Variants in ST6GALNAC5 observed in about 807,000 individuals in gnomAD.
ST6GALNAC5 encodes ST6 N-acetylgalactosaminide alpha-2,6-sialyltransferase 5.
ST6GALNAC5 carries 27 observed loss-of-function variants against 33.6 expected under a neutral mutation model. The observed-to-expected ratio is 0.80, with a 90% CI of 0.59 to 1.11. ST6GALNAC5 has a LOEUF of 1.11. Among genes scored for constraint, ST6GALNAC5 ranks in the 50% least tolerant of loss-of-function variants. The pLI is 0.00. For synonymous variants in ST6GALNAC5, 194 were observed against 171.2 expected (o/e 1.13, Z -1.04); for missense variants, 428 against 454.0 (o/e 0.94, Z 0.52).
intron 2 of ST6GALNAC5, among the ~76,000 whole-genome samples, chr1:77,007,713 ATT>A (rs1650477212): frequency 6.6e-6 from 1 of 152,256 alleles, no homozygotes; most frequent in Admixed American, 6.5e-5. Context: ...GTGGGAGGAT[ATT>A]AGGATTGACT....
chr1:76,991,611 A>G (rs528206375), intron 2 of ST6GALNAC5, among the ~76,000 whole-genome samples: 8 of 152,172 alleles, frequency 5.3e-5, no homozygotes, highest in Admixed American at 2.6e-4. Flanking sequence ...ACTCCTTCTC[A>G]TAGACAGGTA....
intron 2 of ST6GALNAC5, among the ~76,000 whole-genome samples, chr1:77,013,899 A>T (rs942826591): frequency 2.0e-5 from 3 of 152,220 alleles, no homozygotes. Context: ...ATGGGAAATG[A>T]TGCACAGTTT....
At chr1:76,968,241 A>T (rs979530533) in intron 2 of ST6GALNAC5, among the ~76,000 whole-genome samples, 1 of 152,082 alleles carries the variant, frequency 6.6e-6, no homozygotes, top group African/African-American at 2.4e-5. Context: ...GTCTCTAAGG[A>T]CTTGCTTTAT....
intron 2 of ST6GALNAC5, among the ~76,000 whole-genome samples, chr1:76,979,688 A>G (rs1206074192): frequency 4.6e-5 from 7 of 152,230 alleles, no homozygotes; most frequent in Admixed American, 2.6e-4. Context: ...GCATTTTGGG[A>G]GGCCAAGGCG....
intron 2 of ST6GALNAC5, among the ~76,000 whole-genome samples, chr1:76,887,943 C>T (rs1243352357): frequency 6.6e-6 from 1 of 152,240 alleles, no homozygotes; most frequent in South Asian, 2.1e-4. Context: ...TCCCACCATA[C>T]ACACTGTGAA....
chr1:77,008,622 T>G (rs1810510), intron 2 of ST6GALNAC5, among the ~76,000 whole-genome samples: 2 of 151,904 alleles, frequency 1.3e-5, no homozygotes, highest in Admixed American at 1.3e-4. Context: ...CTCTGCCTCC[T>G]GGGTTCAAGC....
At chr1:76,872,282 C>T (rs142378093) in intron 2 of ST6GALNAC5, among the ~76,000 whole-genome samples, 339 of 152,184 alleles carry the variant, frequency 2.2e-3, no homozygotes, top group African/African-American at 7.9e-3. Context: ...GAGCTAATTC[C>T]CATTTCTAGA....
chr1:76,916,377 T>C (rs1302879424), intron 2 of ST6GALNAC5, among the ~76,000 whole-genome samples: 1 of 152,152 alleles, frequency 6.6e-6, no homozygotes, highest in Non-Finnish European at 1.5e-5. Context: ...TAATTCTCTT[T>C]AAAGGAAGGA....
At chr1:77,040,372 C>A (rs138599276) in intron 2 of ST6GALNAC5, among the ~76,000 whole-genome samples, 3 of 152,168 alleles carry the variant, frequency 2.0e-5, no homozygotes, top group Admixed American at 2.0e-4. Context: ...ACTCAAAGAA[C>A]GAGTGTTAGT....
At position 76,882,375 on chromosome 1, in the gene ST6GALNAC5, G is replaced by A. The variant is rs565431765; in HGVS notation, c.261+13633G>A. Among the ~76,000 whole-genome samples, 6 of 152,148 alleles carry A rather than the reference G, an allele frequency of 3.9e-5. No individual in the cohort carries two copies. The South Asian group carries it at 1.2e-3, about 32-fold the overall frequency. On this transcript the variant is annotated intron_variant, in intron 2 of 4. Coordinates refer to ENST00000477717, the MANE Select transcript of ST6GALNAC5 (RefSeq NM_030965.3). The stretch of plus-strand genomic sequence containing the variant: ...CACAGTGGAGAAGAAAACATCATCA[G>A]GAGACTTAGTTAACCAAGTGTTTGA...
At chr1:76,875,437 CT>C (rs1431933367) in intron 2 of ST6GALNAC5, among the ~76,000 whole-genome samples, 3 of 152,188 alleles carry the variant, frequency 2.0e-5, no homozygotes, top group Non-Finnish European at 4.4e-5. Flanking sequence ...GAGTAGTGGA[CT>C]GATTTCATCT....
intron 2 of ST6GALNAC5, among the ~76,000 whole-genome samples, chr1:77,033,786 G>A (rs964158871): frequency 6.6e-6 from 1 of 152,198 alleles, no homozygotes; most frequent in African/African-American, 2.4e-5. Context: ...AGGGAAATCA[G>A]CCAGGCCGGA....
At chr1:76,991,715 C>A (rs1649736028) in intron 2 of ST6GALNAC5, among the ~76,000 whole-genome samples, 1 of 152,098 alleles carries the variant, frequency 6.6e-6, no homozygotes, top group Non-Finnish European at 1.5e-5. Flanking sequence ...AATTCTCAGC[C>A]CACAGAACAT....
chr1:77,025,607 C>T (rs1372475009), intron 2 of ST6GALNAC5, among the ~76,000 whole-genome samples: 1 of 152,032 alleles, frequency 6.6e-6, no homozygotes, highest in Non-Finnish European at 1.5e-5. Context: ...CATCTGTAGC[C>T]ACATGGGATC....
intron 2 of ST6GALNAC5, among the ~76,000 whole-genome samples, chr1:76,911,540 C>T (rs1163672656): frequency 6.6e-6 from 1 of 152,074 alleles, no homozygotes; most frequent in Non-Finnish European, 1.5e-5. Flanking sequence ...CCTTGTACCT[C>T]TGGTAGAATT....
At chr1:76,978,962 A>G (rs570207826) in intron 2 of ST6GALNAC5, among the ~76,000 whole-genome samples, 8 of 152,348 alleles carry the variant, frequency 5.3e-5, no homozygotes, top group African/African-American at 1.9e-4. Flanking sequence ...AAAAATTAGT[A>G]GTATTTCTAT....
At chr1:77,026,812 TG>T (rs1651256331) in intron 2 of ST6GALNAC5, among the ~76,000 whole-genome samples, 1 of 152,014 alleles carries the variant, frequency 6.6e-6, no homozygotes, top group Non-Finnish European at 1.5e-5. Flanking sequence ...AATGAATGAA[TG>T]AATGAATGAA....
intron 2 of ST6GALNAC5, among the ~76,000 whole-genome samples, chr1:76,874,986 A>C (rs2100914477): frequency 6.6e-6 from 1 of 152,360 alleles, no homozygotes; most frequent in East Asian, 1.9e-4. Context: ...TATTACAAAA[A>C]GTTATCAATA....
At chr1:76,890,789 G>A (rs1320510364) in intron 2 of ST6GALNAC5, among the ~76,000 whole-genome samples, 1 of 151,922 alleles carries the variant, frequency 6.6e-6, no homozygotes, top group Non-Finnish European at 1.5e-5. Context: ...ACTAGAGATA[G>A]CATAACCATT....
Sources: allele counts gnomAD v4.1 joint callset (sites outside exome capture counted in the v4.1 genomes callset), GRCh38; gene constraint gnomAD v4.1.1; transcripts MANE v1.5; gene names NCBI Gene and HGNC (gene_info 2026-07-23, HGNC 2026-07-21).